The following PDS5B variants were observed in gnomAD, a reference collection of about 807,000 sequenced individuals.
PDS5B encodes sister chromatid cohesion protein PDS5 homolog B.
PDS5B carries 51 observed loss-of-function variants against 184.1 expected under a neutral mutation model. The observed-to-expected ratio is 0.28, with a 90% CI of 0.22 to 0.35. The LOEUF is 0.35. PDS5B is among the 10% of genes least tolerant of loss of function. PDS5B has a pLI of 1.00. For synonymous variants in PDS5B, 566 were observed against 569.2 expected (o/e 0.99, Z 0.08); for missense variants, 1,180 against 1,723.3 (o/e 0.68, Z 5.58).
At chr13:32,699,592 TCAC>T (rs1414716401) in intron 15 of PDS5B, 135 bp from the exon 16 acceptor site, 1 of 476,342 alleles carries the variant, frequency 2.1e-6, no homozygotes, top group African/African-American at 2.0e-5. Context: ...TGAAGGTTTT[TCAC>T]AATTTATTTT....
chr13:32,755,125 TAAAACATCCA>T (rs1954128044), intron 25 of PDS5B, among the ~76,000 whole-genome samples: 4 of 152,290 alleles, frequency 2.6e-5, no homozygotes, highest in Admixed American at 2.6e-4. Context: ...TACATGAGGT[TAAAACATCCA>T]ATTTATATTT....
intron 33 of PDS5B, among the ~76,000 whole-genome samples, chr13:32,772,351 A>G (rs1048470690): frequency 6.6e-6 from 1 of 152,190 alleles, no homozygotes; most frequent in African/African-American, 2.4e-5. Flanking sequence ...GACACAAAAC[A>G]GACGTGGTAC....
rs1027812292 is a variant in PDS5B at position 32,776,867 on chromosome 13, C to T, written c.*1815C>T. On this transcript the variant is annotated 3_prime_UTR_variant, in exon 35 of 35. Transcript: ENST00000315596. ...AAAGTGTTTTGAATTGTGTCTTAAT[C>T]TCTCCATATTCAACTATTCTTCATT... is the stretch of plus-strand genomic sequence containing the variant. 5 of 152,350 alleles carry T rather than the reference C, an allele frequency of 3.3e-5. No homozygotes were observed. Among genetic ancestry groups the T allele is most frequent in the African/African-American group, 1.2e-4 (5 of 41,414 alleles). The allele number at this position is 152,350 out of a possible 1,614,324, so 9.4% of individuals were successfully genotyped here.
At chr13:32,700,187 G>T (rs939228114) in intron 16 of PDS5B, among the ~76,000 whole-genome samples, 1 of 151,964 alleles carries the variant, frequency 6.6e-6, no homozygotes, top group Non-Finnish European at 1.5e-5. Context: ...TACACATTTA[G>T]ATTTTTTCCT....
intron 1 of PDS5B, among the ~76,000 whole-genome samples, chr13:32,618,517 G>GA (rs112406209): frequency 0.36 from 54,610 of 149,958 alleles, 10,398 homozygotes; most frequent in Non-Finnish European, 0.44. Flanking sequence ...TTACTGTGTA[G>GA]AAAAAAAAAA....
intron 19 of PDS5B, among the ~76,000 whole-genome samples, chr13:32,724,114 G>A (rs1042293235): frequency 8.5e-5 from 13 of 152,134 alleles, no homozygotes; most frequent in Admixed American, 2.6e-4. Context: ...CTCAAAAAAT[G>A]TGTTTTTGTT....
At chr13:32,614,553 C>T (rs1185389937) in intron 1 of PDS5B, among the ~76,000 whole-genome samples, 1 of 152,166 alleles carries the variant, frequency 6.6e-6, no homozygotes, top group African/African-American at 2.4e-5. Flanking sequence ...CCGCCTTGGC[C>T]TCCCAAAGTG....
chr13:32,739,877 ATGT>A (rs1364874116), intron 21 of PDS5B, among the ~76,000 whole-genome samples: 3 of 151,828 alleles, frequency 2.0e-5, no homozygotes, highest in Non-Finnish European at 2.9e-5. Flanking sequence ...CAGATTTCTT[ATGT>A]TGTTTGTTTT....
At chr13:32,633,333 G>A (rs1307068003) in intron 1 of PDS5B, among the ~76,000 whole-genome samples, 1 of 152,094 alleles carries the variant, frequency 6.6e-6, no homozygotes, top group Non-Finnish European at 1.5e-5. Context: ...CATAAAAAAA[G>A]TATTAGATCT....
chr13:32,645,246 G>A (rs190561004), intron 1 of PDS5B, among the ~76,000 whole-genome samples: 2 of 152,262 alleles, frequency 1.3e-5, no homozygotes, highest in East Asian at 1.9e-4. Flanking sequence ...GCCTTCCAAA[G>A]TGCTGGGATC....
At chr13:32,694,845 GT>G (rs58954478) in intron 14 of PDS5B, among the ~76,000 whole-genome samples, 54,300 of 144,336 alleles carry the variant, frequency 0.38, 10,377 homozygotes, top group Non-Finnish European at 0.45. Context: ...TGATTCTAGG[GT>G]TTTTTTTTTT....
chr13:32,715,811 G>A (rs1276086842), intron 19 of PDS5B, among the ~76,000 whole-genome samples: 8 of 152,266 alleles, frequency 5.3e-5, no homozygotes, highest in Middle Eastern at 3.4e-3. Context: ...GGTGCGCGCC[G>A]CCACGCCTGA....
At chr13:32,688,952 T>A (rs774473375) in intron 13 of PDS5B, 19 of 215,194 alleles carry the variant, frequency 8.8e-5, no homozygotes, top group Non-Finnish European at 1.8e-4. Flanking sequence ...TGCATTACGG[T>A]GGAGAGCAGT....
chr13:32,592,511 C>T (rs1374214083), intron 1 of PDS5B, among the ~76,000 whole-genome samples: 1 of 151,934 alleles, frequency 6.6e-6, no homozygotes, highest in East Asian at 1.9e-4. Flanking sequence ...CCCGCCTTGG[C>T]CTCTCAAAGT....
intron 1 of PDS5B, among the ~76,000 whole-genome samples, chr13:32,615,207 T>G (rs1328925115): frequency 6.6e-6 from 1 of 152,248 alleles, no homozygotes; most frequent in Non-Finnish European, 1.5e-5. Flanking sequence ...GTTTGTTGTA[T>G]CTGACTTATT....
intron 1 of PDS5B, among the ~76,000 whole-genome samples, chr13:32,615,815 T>C (rs953673718): frequency 3.3e-5 from 5 of 152,328 alleles, no homozygotes; most frequent in Admixed American, 1.3e-4. Flanking sequence ...AAGTAACTTA[T>C]ATAGTCCCTG....
chr13:32,595,802 G>A (rs895132639), intron 1 of PDS5B, among the ~76,000 whole-genome samples: 1 of 152,140 alleles, frequency 6.6e-6, no homozygotes, highest in African/African-American at 2.4e-5. Flanking sequence ...GGACCTATAA[G>A]GAAATAAAAG....
In PDS5B at chr13:32,707,004, GA is replaced by G; in HGVS notation, c.1928del (p.Asp643ValfsTer35). 6.2e-7 allele frequency: 1 copy of G among 1,609,972 alleles called. No homozygotes were observed. Among genetic ancestry groups the G allele is most frequent in the Non-Finnish European group, 8.5e-7 (1 of 1,177,920 alleles). ...TGATGAAGATGAGGGTGTTCCAACTGATCAAGCCATCAGAGCAGGTCTTGAA... is the reference window on the plus strand; with the variant it reads ...TGATGAAGATGAGGGTGTTCCAACTGTCAAGCCATCAGAGCAGGTCTTGAA... Reference protein sequence around the residue: ...ADDEDEGVPTDQAIRAGLELL... With the variant: ...ADDEDEGVPTXQAIRAGLELL... On this transcript the variant is annotated frameshift_variant, in exon 18 of 35. Transcript: ENST00000315596. LOFTEE classifies it high-confidence loss of function.
chr13:32,651,695 G>T, intron 2 of PDS5B, 109 bp from the exon 3 acceptor site: 1 of 623,108 alleles, frequency 1.6e-6, no homozygotes, highest in Non-Finnish European at 2.8e-6. Flanking sequence ...GCAGAAAAAT[G>T]AAAGTATATT....
Sources: allele counts gnomAD v4.1 joint callset (sites outside exome capture counted in the v4.1 genomes callset), GRCh38; gene constraint gnomAD v4.1.1; transcripts MANE v1.5; gene names NCBI Gene and HGNC (gene_info 2026-07-23, HGNC 2026-07-21).